The following GMPPA variants were observed in gnomAD, a reference collection of about 807,000 sequenced individuals.
GMPPA encodes the protein mannose-1-phosphate guanylyltransferase regulatory subunit alpha.
GMPPA carries 46 observed loss-of-function variants against 58.6 expected under a neutral mutation model. The observed-to-expected ratio is 0.78, with a 90% CI of 0.62 to 1.00. The LOEUF (loss-of-function observed/expected upper bound fraction) is 1.00, where lower values mean the gene tolerates loss of function less well. GMPPA is among the 50% of genes least tolerant of loss of function. The pLI, the probability that GMPPA is intolerant of heterozygous loss-of-function variation, is 0.00. For synonymous variants in GMPPA, 211 were observed against 214.9 expected, an observed-to-expected ratio of 0.98 and a Z score of 0.16; for missense variants, 468 against 556.4, an observed-to-expected ratio of 0.84 and a Z score of 1.60.
chr2:219,505,888 G>A, intron 10 of GMPPA, 92 bp from the exon 11 acceptor site: 1 of 1,134,792 alleles, frequency 8.8e-7, no homozygotes, highest in Non-Finnish European at 1.3e-6. Context: ...TCCTCGAGCA[G>A]GTCACTTATG....
At position 219,505,343 on chromosome 2, in the gene GMPPA, A is replaced by G; in HGVS notation, c.736A>G (p.Ser246Gly). The change falls in exon 8 of 13, where the codon AGT becomes GGT. Residue 246 changes from serine to glycine, a missense_variant. Ser to Gly is a moderately conservative substitution (Grantham distance 56, BLOSUM62 0). Coordinates refer to ENST00000313597, the MANE Select transcript of GMPPA (RefSeq NM_013335.4). Reference protein sequence around the residue: ...IYVHLTDGIWSQIKSAGSALY... With the variant: ...IYVHLTDGIWGQIKSAGSALY... ...CGTGCATCTCACTGATGGTATCTGGAGTCAGATCAAGTCCGCAGGGTATGG... is the reference window on the plus strand; with the variant it reads ...CGTGCATCTCACTGATGGTATCTGGGGTCAGATCAAGTCCGCAGGGTATGG... The G allele has an allele frequency of 1.2e-6, 2 of 1,613,778 alleles. No individual in the cohort carries two copies. The highest frequency in any genetic ancestry group is 1.7e-6 in the Non-Finnish European group (2 of 1,179,920).
chr2:219,504,156 C>T lies in GMPPA; in HGVS notation c.563C>T (p.Pro188Leu), dbSNP rs1559447563. The change falls in exon 7 of 13, where the codon CCT (proline) becomes CTT (leucine). Residue 188 changes from proline to leucine, a missense_variant. Pro to Leu is a moderately conservative substitution (Grantham distance 98, BLOSUM62 -3). Coordinates refer to ENST00000313597, the MANE Select transcript of GMPPA (RefSeq NM_013335.4). ...IINCGIYLFS[P>L]EALKPLRDVF... Reference sequence around the variant, plus strand: ...AACTGCGGCATCTACCTCTTTTCTCCTGAAGCCTTGAAGCCTCTTCGGGAT... The same window carrying T: ...AACTGCGGCATCTACCTCTTTTCTCTTGAAGCCTTGAAGCCTCTTCGGGAT... 4.3e-6 allele frequency: 7 copies of T among 1,613,930 alleles called. No homozygotes were observed. The highest frequency in any genetic ancestry group is 5.9e-6 in the Non-Finnish European group (7 of 1,179,930).
intron 3 of GMPPA, chr2:219,500,422 C>A: frequency 1.7e-6 from 1 of 592,098 alleles, no homozygotes; most frequent in Non-Finnish European, 3.0e-6. Flanking sequence ...CTGGCCTCTT[C>A]CTGCTCAGAT....
chr2:219,503,743 A>G (rs148782007), intron 6 of GMPPA, among the ~76,000 whole-genome samples: 2 of 152,326 alleles, frequency 1.3e-5, no homozygotes, highest in East Asian at 3.9e-4. Flanking sequence ...GACAGTGTCA[A>G]CTGGGTTTGG....
At chr2:219,504,537 C>G in intron 7 of GMPPA, 3 of 389,580 alleles carry the variant, frequency 7.7e-6, no homozygotes, top group Non-Finnish European at 1.4e-5. Flanking sequence ...CGGGTGCAGA[C>G]GTGTGCACGT....
At position 219,502,066 on chromosome 2, in the gene GMPPA, T is replaced by C. The variant is rs1245628581; in HGVS notation, c.429+29T>C. 2 of 1,608,228 alleles carry C rather than the reference T, an allele frequency of 1.2e-6. No homozygotes were observed. The highest frequency in any genetic ancestry group is 1.7e-6 in the Non-Finnish European group (2 of 1,175,834). On this transcript the variant is annotated intron_variant, in intron 5 of 12. Transcript: ENST00000313597. The surrounding 1 kb of genome is among the most constrained non-coding windows in gnomAD (Gnocchi z 4.0). ...AGGGGGTCAGGAGGGCTGGAGGGTG[T>C]AGAGGAGGTGATCCCAAGAGCTTCC... is the stretch of plus-strand genomic sequence containing the variant.
In GMPPA at chr2:219,501,497, C is replaced by T; in HGVS notation, c.160C>T (p.Leu54=). Residue 54 remains leucine, a synonymous_variant, in exon 4 of 13, where the codon CTG becomes TTG. Transcript: ENST00000313597. Reference sequence around the variant, plus strand: ...TCAGGTCCCTGGAATGCAGGAGATTCTGCTCATTGGCTTCTACCAACCTGA... The same window carrying T: ...TCAGGTCCCTGGAATGCAGGAGATTTTGCTCATTGGCTTCTACCAACCTGA... ...CAQVPGMQEI[L]LIGFYQPDEP... is the part of the protein sequence containing the mutation. 1 of 1,608,208 alleles carries T rather than the reference C, an allele frequency of 6.2e-7. No individual in the cohort carries two copies. The highest frequency in any genetic ancestry group is 1.7e-4 in the Middle Eastern group (1 of 6,060).
At chr2:219,506,157 T>C in intron 11 of GMPPA, 85 bp downstream of exon 11, 1 of 1,465,240 alleles carries the variant, frequency 6.8e-7, no homozygotes, top group Non-Finnish European at 9.4e-7. Context: ...CAGAGAAGGG[T>C]GAACGCCGTG....
Position 219,505,220 on chromosome 2 carries a change from T to C in GMPPA, c.621-8T>C. On this transcript the variant is annotated splice_region_variant and splice_polypyrimidine_tract_variant and intron_variant, in intron 7 of 12. Transcript: ENST00000313597. Reference sequence around the variant, plus strand: ...GGGACTAATGTCAGCATTCTTCCTCTCTGCCAGGGAGGACTCACCAGGCTT... The same window carrying C: ...GGGACTAATGTCAGCATTCTTCCTCCCTGCCAGGGAGGACTCACCAGGCTT... 1 of 1,612,300 alleles carries C rather than the reference T, an allele frequency of 6.2e-7. No individual in the cohort carries two copies. Among genetic ancestry groups the C allele is most frequent in the Non-Finnish European group, 8.5e-7 (1 of 1,178,490 alleles).
Position 219,501,979 on chromosome 2 carries a change from G to A in GMPPA, c.371G>A (p.Ser124Asn). 3 of 1,614,190 alleles carry A rather than the reference G, an allele frequency of 1.9e-6. No homozygotes were observed. Among genetic ancestry groups the A allele is most frequent in the Non-Finnish European group, 2.5e-6 (3 of 1,180,038 alleles). The change falls in exon 5 of 13, where the codon AGT becomes AAT. Residue 124 changes from serine (S) to asparagine (N), a missense_variant. Transcript: ENST00000313597. ...GATGTCTGCTCCGACTTCCCCTTGA[G>A]TGCTATGTTGGAAGCCCACCGACGC... is the stretch of plus-strand genomic sequence containing the variant. ...NADVCSDFPLSAMLEAHRRQR... is the reference protein window; with the variant it reads ...NADVCSDFPLNAMLEAHRRQR...
At chr2:219,503,199 C>A (rs1694459966) in intron 6 of GMPPA, among the ~76,000 whole-genome samples, 1 of 151,028 alleles carries the variant, frequency 6.6e-6, no homozygotes, top group African/African-American at 2.4e-5. Context: ...GTGGTGCGAT[C>A]TTGGCTCACT....
intron 3 of GMPPA, chr2:219,501,053 C>T (rs1694371905): frequency 6.2e-6 from 1 of 160,776 alleles, no homozygotes; most frequent in Admixed American, 6.0e-5. Context: ...GACCCCTTCT[C>T]TACAAAAAGT....
intron 10 of GMPPA, 36 bp downstream of exon 10, chr2:219,505,797 G>A (rs915067869): frequency 6.5e-7 from 1 of 1,542,218 alleles, no homozygotes. Flanking sequence ...AGGGAAGGGT[G>A]GTGGTCGGAT....
Position 219,500,338 on chromosome 2 carries a change from G to T in GMPPA, c.138+120G>T, listed in dbSNP as rs1450555710. 4.3e-6 allele frequency: 3 copies of T among 693,412 alleles called. No individual in the cohort carries two copies. In the Admixed American group the frequency reaches 6.3e-5, roughly 15 times the overall value. The allele number at this position is 693,412 out of a possible 1,614,324, so 43.0% of individuals were successfully genotyped here. A position where few individuals can be genotyped will look rare whatever the true frequency, so the allele number is the denominator to read the frequency against. On this transcript the variant is annotated intron_variant, in intron 3 of 12. Transcript: ENST00000313597. Reference sequence around the variant, plus strand: ...ACTCCAAGGACCATCATTCACAGATGACAATGTGAATGGCGCCCCCTCAAG... The same window carrying T: ...ACTCCAAGGACCATCATTCACAGATTACAATGTGAATGGCGCCCCCTCAAG...
At chr2:219,501,410 C>T in intron 3 of GMPPA, 66 bp from the exon 4 acceptor site, 1 of 1,046,114 alleles carries the variant, frequency 9.6e-7, no homozygotes, top group Non-Finnish European at 1.5e-6. Context: ...GGGCCAGCAC[C>T]AAGGATTTCC....
intron 1 of GMPPA, among the ~76,000 whole-genome samples, chr2:219,499,410 G>C (rs1694309395): frequency 6.6e-6 from 1 of 152,172 alleles, no homozygotes; most frequent in Non-Finnish European, 1.5e-5. Flanking sequence ...CCAATATTCA[G>C]GGTTCACTAT....
At position 219,505,439 on chromosome 2, in the gene GMPPA, T is replaced by TTTCTCCCA; in HGVS notation, c.756-19_756-18insTTCTCCCA. 1 of 1,591,812 alleles carries TTTCTCCCA rather than the reference T, an allele frequency of 6.3e-7. No individual in the cohort carries two copies. Among genetic ancestry groups the TTTCTCCCA allele is most frequent in the Non-Finnish European group, 8.6e-7 (1 of 1,168,782 alleles). ...GGCCCTGCTGACCCCTGAGCCCCTG[T>TTTCTCCCA]CCCCCTTGCGGTCCCCAGTTCAGCC... On this transcript the variant is annotated intron_variant, in intron 8 of 12. Transcript: ENST00000313597.
Position 219,500,216 on chromosome 2 carries a change from C to A in GMPPA, c.136C>A (p.Gln46Lys). Residue 46 changes from glutamine to lysine, a missense_variant and splice_region_variant, in exon 3 of 13, where the codon CAG becomes AAG. Gln to Lys is a moderately conservative substitution (Grantham distance 53, BLOSUM62 1). Coordinates refer to ENST00000313597, the MANE Select transcript of GMPPA (RefSeq NM_013335.4). ...MIQHHIEACA[Q>K]VPGMQEILLI... ...CCAACACCATATTGAAGCCTGTGCC[C>A]AGGTAACCTCAGGGGCTCCCCTCTC... 5 of 1,512,012 alleles carry A rather than the reference C, an allele frequency of 3.3e-6. No individual in the cohort carries two copies. The highest frequency in any genetic ancestry group is 4.5e-6 in the Non-Finnish European group (5 of 1,104,122). The allele number at this position is 1,512,012 out of a possible 1,614,324, so 93.7% of individuals were successfully genotyped here.
rs1304280966 is a variant in GMPPA at position 219,500,209 on chromosome 2, C to CT, written c.130dup (p.Cys44LeufsTer19). ...CTATGATCCAACACCATATTGAAGCCTGTGCCCAGGTAACCTCAGGGGCTC... is the reference window on the plus strand; with the variant it reads ...CTATGATCCAACACCATATTGAAGCCTTGTGCCCAGGTAACCTCAGGGGCTC... On this transcript the variant is annotated frameshift_variant, in exon 3 of 13. Transcript: ENST00000313597. LOFTEE classifies it high-confidence loss of function. 2 of 1,562,480 alleles carry CT rather than the reference C, an allele frequency of 1.3e-6. No homozygotes were observed. Among genetic ancestry groups the CT allele is most frequent in the Non-Finnish European group, 1.7e-6 (2 of 1,147,558 alleles).
Sources: gnomAD v4.1 joint callset for allele counts (sites outside exome capture counted in the v4.1 genomes callset) on GRCh38, gnomAD v4.1.1 for gene constraint, Gnocchi (gnomAD v3.1) non-coding constraint, MANE v1.5 for transcripts, NCBI Gene and HGNC (gene_info 2026-07-23, HGNC 2026-07-21) for gene names.